Variants in TENM1 observed in about 807,000 individuals in gnomAD.
The protein encoded by TENM1 is teneurin-1.
Under a neutral mutation model 174.8 loss-of-function variants are expected in TENM1, and 35 were observed. The ratio of observed to expected loss-of-function variants is 0.20; its 90% CI spans 0.15 to 0.27. The LOEUF is 0.27. TENM1 is among the 10% of genes least tolerant of loss of function. The pLI, the probability that TENM1 is intolerant of heterozygous loss-of-function variation, is 1.00. For missense variants in TENM1, 1,633 were observed against 2,130.1 expected, an observed-to-expected ratio of 0.77 and a Z score of 4.59; for synonymous variants, 781 against 798.7, an observed-to-expected ratio of 0.98 and a Z score of 0.37.
chrX:124,910,268 T>A (rs2057814034), intron 1 of TENM1, among the ~76,000 whole-genome samples: 1 of 112,348 alleles, frequency 8.9e-6, no homozygotes, highest in Non-Finnish European at 1.9e-5. Context: ...AACTGGAAAC[T>A]TATATTATCC....
At chrX:125,163,905 T>C in the TENM1 span, among the ~76,000 whole-genome samples, 4 of 111,753 alleles carry the variant, frequency 3.6e-5, no homozygotes, top group Non-Finnish European at 7.5e-5. Context: ...TGCCTGCCAA[T>C]ATCTATGGAA....
At chrX:124,965,211 A>G (rs780645910), upstream of TENM1, among the ~76,000 whole-genome samples, 10 of 110,747 alleles carry the variant, frequency 9.0e-5, no homozygotes, top group East Asian at 5.7e-4. Context: ...CCGAGTAGCT[A>G]GGACTACAGG....
At chrX:124,566,123 C>G (rs1285583525) in intron 11 of TENM1, among the ~76,000 whole-genome samples, 1 of 111,356 alleles carries the variant, frequency 9.0e-6, no homozygotes, top group Non-Finnish European at 1.9e-5. Flanking sequence ...AAAACAGTGC[C>G]CTAACTTCAT....
rs1388465419 is a variant in TENM1 at position 124,932,464 on chromosome X, T to C, written c.217+31073A>G. Among the ~76,000 whole-genome samples the C allele has an allele frequency of 1.2e-4, 13 of 112,200 alleles. No individual in the cohort carries two copies. The South Asian group carries it at 4.1e-3, about 35-fold the overall frequency. On this transcript the variant is annotated intron_variant, in intron 1 of 31. Transcript: ENST00000422452. ...ATCCTTAAGGAACTTAACATTTCAC[T>C]GGGGAGACAATCTTTACAACCAGTG...
At chrX:124,847,091 G>A (rs1051303119) in intron 3 of TENM1, among the ~76,000 whole-genome samples, 11 of 111,044 alleles carry the variant, frequency 9.9e-5, no homozygotes, top group Non-Finnish European at 1.7e-4. Flanking sequence ...TAAATTTGGA[G>A]AACTTTGTGT....
chrX:124,682,404 T>C (rs185665426), intron 5 of TENM1, among the ~76,000 whole-genome samples: 1 of 111,435 alleles, frequency 9.0e-6, no homozygotes, highest in African/African-American at 3.3e-5. Flanking sequence ...ATGAAATGGG[T>C]CCCAAGAAAA....
At chrX:125,083,860 C>T in the TENM1 span, among the ~76,000 whole-genome samples, 1 of 110,914 alleles carries the variant, frequency 9.0e-6, no homozygotes. Context: ...TGGATCCCCA[C>T]AGACTTTAGG....
chrX:124,769,668 G>A lies in TENM1; in HGVS notation c.536-32471C>T, dbSNP rs142870711. Among the ~76,000 whole-genome samples, 4 of 112,164 alleles carry A rather than the reference G, an allele frequency of 3.6e-5. No individual in the cohort carries two copies. The East Asian group carries it at 1.1e-3, about 31-fold the overall frequency. On this transcript the variant is annotated intron_variant, in intron 3 of 31. Coordinates refer to ENST00000422452, the Ensembl canonical transcript of TENM1. Reference sequence around the variant, plus strand: ...ATTTATGATACTTTAGTAAATATTTGTATGAAGATTTTGCGTAAAGTTAAA... The same window carrying A: ...ATTTATGATACTTTAGTAAATATTTATATGAAGATTTTGCGTAAAGTTAAA...
the TENM1 span, among the ~76,000 whole-genome samples, chrX:125,191,109 A>C: frequency 9.0e-6 from 1 of 111,605 alleles, no homozygotes; most frequent in Non-Finnish European, 1.9e-5. Context: ...TATCACAAAT[A>C]ATGCTTGGTG....
intron 14 of TENM1, among the ~76,000 whole-genome samples, chrX:124,549,566 T>C (rs1263382180): frequency 1.2e-4 from 13 of 111,672 alleles, no homozygotes; most frequent in Non-Finnish European, 7.5e-5. Flanking sequence ...ATAGAACCAA[T>C]TCATAATTGG....
At chrX:124,552,467 A>T (rs1400314227) in intron 14 of TENM1, among the ~76,000 whole-genome samples, 3 of 59,979 alleles carry the variant, frequency 5.0e-5, no homozygotes, top group African/African-American at 1.9e-4. Context: ...AGAAAGTGAG[A>T]GAGACTCAAG....
intron 23 of TENM1, among the ~76,000 whole-genome samples, chrX:124,444,666 G>A (rs1298408398): frequency 1.8e-5 from 2 of 110,207 alleles, no homozygotes; most frequent in Admixed American, 1.9e-4. Flanking sequence ...ACAATCAATG[G>A]GCAAAAGGAA....
chrX:125,078,422 TCA>T, the TENM1 span, among the ~76,000 whole-genome samples: 2 of 111,941 alleles, frequency 1.8e-5, no homozygotes, highest in African/African-American at 6.5e-5. Context: ...TTTATGACTT[TCA>T]GTTTCCTAAT....
chrX:124,811,974 G>A (rs986031497), intron 3 of TENM1, among the ~76,000 whole-genome samples: 2 of 111,215 alleles, frequency 1.8e-5, no homozygotes, highest in African/African-American at 6.5e-5. Context: ...AAGTCTGTGA[G>A]GTTGAGAATG....
upstream of TENM1, chrX:124,963,897 G>T: frequency 2.0e-6 from 1 of 495,414 alleles, no homozygotes; most frequent in Non-Finnish European, 3.4e-6. Context: ...TTCACAATTG[G>T]TCCTGATAAT....
chrX:125,155,018 C>G, the TENM1 span, among the ~76,000 whole-genome samples: 3 of 111,891 alleles, frequency 2.7e-5, no homozygotes, highest in African/African-American at 6.5e-5. Context: ...CGGGTTGCCA[C>G]TGCTGGCTCG....
the TENM1 span, among the ~76,000 whole-genome samples, chrX:125,070,576 T>A: frequency 9.0e-6 from 1 of 111,675 alleles, no homozygotes; most frequent in Non-Finnish European, 1.9e-5. Context: ...GGAGTAAAAA[T>A]TAGATCCAAG....
At chrX:124,789,363 A>ACTC (rs2055123084) in intron 3 of TENM1, among the ~76,000 whole-genome samples, 1 of 111,425 alleles carries the variant, frequency 9.0e-6, no homozygotes, top group African/African-American at 3.3e-5. Flanking sequence ...TTGGGGATTA[A>ACTC]CATTTGTCTC....
chrX:124,935,568 C>T (rs1006435455), intron 1 of TENM1, among the ~76,000 whole-genome samples: 1 of 112,593 alleles, frequency 8.9e-6, no homozygotes, highest in Non-Finnish European at 1.9e-5. Flanking sequence ...AGCAACTATG[C>T]CTTTGCATTC....
Sources: gnomAD v4.1 joint callset for allele counts (sites outside exome capture counted in the v4.1 genomes callset) on GRCh38, gnomAD v4.1.1 for gene constraint, MANE v1.5 for transcripts, NCBI Gene and HGNC (gene_info 2026-07-23, HGNC 2026-07-21) for gene names.